RALGPS1: variants seen among roughly 807,000 people sequenced by gnomAD.
RALGPS1 encodes ras-specific guanine nucleotide-releasing factor RalGPS1.
RALGPS1 carries 19 observed loss-of-function variants against 78.8 expected under a neutral mutation model. The observed-to-expected ratio is 0.24, with a 90% CI of 0.17 to 0.35. The LOEUF (loss-of-function observed/expected upper bound fraction) is 0.35, where lower values mean the gene tolerates loss of function less well. RALGPS1 is among the 10% of genes least tolerant of loss of function. The pLI is 1.00. For synonymous variants in RALGPS1, 228 were observed against 256.3 expected (o/e 0.89, Z 1.06); for missense variants, 454 against 688.3 (o/e 0.66, Z 3.81).
chr9:127,185,768 T>C (rs78649124), intron 11 of RALGPS1, among the ~76,000 whole-genome samples: 262 of 152,292 alleles, frequency 1.7e-3, no homozygotes, highest in African/African-American at 5.6e-3. Context: ...CTCCCACACT[T>C]GACTGGAAAC....
At chr9:127,054,995 TTG>T (rs1491176929) in intron 7 of RALGPS1, among the ~76,000 whole-genome samples, 19 of 66,168 alleles carry the variant, frequency 2.9e-4, no homozygotes, top group Admixed American at 2.3e-3. Flanking sequence ...GAGAGATTGA[TTG>T]AGAGAGAGAG....
chr9:127,047,242 A>G (rs2135232592), intron 5 of RALGPS1, among the ~76,000 whole-genome samples: 1 of 152,350 alleles, frequency 6.6e-6, no homozygotes, highest in East Asian at 1.9e-4. Context: ...GAAATAACCT[A>G]TTCAACAGTA....
intron 1 of RALGPS1, among the ~76,000 whole-genome samples, chr9:126,923,001 G>A (rs1455615994): frequency 2.6e-5 from 4 of 152,192 alleles, no homozygotes; most frequent in African/African-American, 4.8e-5. Flanking sequence ...GTCATGGGCC[G>A]TGACTGTTTT....
chr9:127,198,998 C>G lies in RALGPS1; in HGVS notation c.1196-17C>G. ...CTGTGAAGCCGTTGTGCTCATTGAC[C>G]TGTGTTCCTTTTCCAGGCAGTAGTG... is the stretch of plus-strand genomic sequence containing the variant. On this transcript the variant is annotated splice_polypyrimidine_tract_variant and intron_variant, in intron 13 of 18. Coordinates refer to ENST00000259351, the MANE Select transcript of RALGPS1 (RefSeq NM_014636.3). The G allele has an allele frequency of 6.2e-7, 1 of 1,612,896 alleles. No homozygotes were observed. The highest frequency in any genetic ancestry group is 8.5e-7 in the Non-Finnish European group (1 of 1,178,822).
At chr9:127,206,664 C>T (rs1223354054) in intron 14 of RALGPS1, among the ~76,000 whole-genome samples, 1 of 152,094 alleles carries the variant, frequency 6.6e-6, no homozygotes, top group Non-Finnish European at 1.5e-5. Context: ...AGGGATCCTA[C>T]TTCTACTAAG....
At chr9:127,014,182 C>T (rs554027708) in intron 4 of RALGPS1, among the ~76,000 whole-genome samples, 7 of 152,240 alleles carry the variant, frequency 4.6e-5, no homozygotes, top group African/African-American at 1.7e-4. Context: ...TTGCTTCCAG[C>T]CTTAAAAAAG....
chr9:127,129,051 C>T (rs1158117868), intron 8 of RALGPS1, among the ~76,000 whole-genome samples: 2 of 152,134 alleles, frequency 1.3e-5, no homozygotes, highest in Admixed American at 6.5e-5. Context: ...AACAAATATT[C>T]GTTTTAAGCT....
intron 7 of RALGPS1, among the ~76,000 whole-genome samples, chr9:127,053,554 A>G (rs1589228728): frequency 1.3e-5 from 2 of 152,292 alleles, no homozygotes; most frequent in South Asian, 4.2e-4. Context: ...TGCTATTTCC[A>G]TAGCTCATTA....
intron 11 of RALGPS1, among the ~76,000 whole-genome samples, chr9:127,179,271 G>T (rs986904976): frequency 1.3e-5 from 2 of 152,186 alleles, no homozygotes; most frequent in Non-Finnish European, 2.9e-5. Flanking sequence ...ACACACTCGG[G>T]GGTCCCAGCT....
At chr9:127,048,983 T>C (rs1312436639) in intron 5 of RALGPS1, among the ~76,000 whole-genome samples, 1 of 152,248 alleles carries the variant, frequency 6.6e-6, no homozygotes, top group Non-Finnish European at 1.5e-5. Flanking sequence ...ATTTGAAAAG[T>C]GATGGTATTT....
At chr9:127,176,772 G>A (rs965173316) in intron 11 of RALGPS1, among the ~76,000 whole-genome samples, 1 of 152,204 alleles carries the variant, frequency 6.6e-6, no homozygotes, top group African/African-American at 2.4e-5. Flanking sequence ...TGGAGCCACT[G>A]AGCAGGGAGA....
chr9:127,017,482 T>A (rs759524048), intron 4 of RALGPS1, among the ~76,000 whole-genome samples: 9 of 152,344 alleles, frequency 5.9e-5, no homozygotes, highest in East Asian at 1.9e-4. Flanking sequence ...GGGTCAGTGG[T>A]GAGTGAATGT....
At chr9:126,957,167 G>T (rs1564305457) in intron 1 of RALGPS1, among the ~76,000 whole-genome samples, 1 of 152,260 alleles carries the variant, frequency 6.6e-6, no homozygotes, top group Non-Finnish European at 1.5e-5. Context: ...GTGGTGGTGT[G>T]TGGAGCGGAG....
At chr9:126,989,886 T>C in intron 4 of RALGPS1, 1 of 1,550,320 alleles carries the variant, frequency 6.5e-7, no homozygotes, top group Non-Finnish European at 8.7e-7. Context: ...CCTTTTCTGG[T>C]TTGCAGAAAG....
intron 4 of RALGPS1, among the ~76,000 whole-genome samples, chr9:126,986,040 T>G (rs1403132996): frequency 2.0e-5 from 3 of 152,218 alleles, no homozygotes; most frequent in African/African-American, 7.2e-5. Context: ...CAAGGGTATT[T>G]CCTGGTGAGC....
At chr9:127,056,932 C>T (rs564976801) in intron 7 of RALGPS1, among the ~76,000 whole-genome samples, 23 of 152,278 alleles carry the variant, frequency 1.5e-4, no homozygotes, top group African/African-American at 5.5e-4. Flanking sequence ...CTGGGGAGAC[C>T]TCATGTGCCA....
intron 1 of RALGPS1, among the ~76,000 whole-genome samples, chr9:126,920,659 T>G (rs966779352): frequency 1.3e-5 from 2 of 152,188 alleles, no homozygotes; most frequent in Non-Finnish European, 2.9e-5. Context: ...TGGCAGAGAA[T>G]ACACTTGACT....
At position 127,211,567 on chromosome 9, in the gene RALGPS1, C is replaced by T. The variant is rs1465873526; in HGVS notation, c.1248-564C>T. ...CCGGAGCTCAGGAGGGAGGTGTGGG[C>T]TGCCATGCCCTTGGACGCCTTCATC... On this transcript the variant is annotated intron_variant, in intron 14 of 18. Transcript: ENST00000259351. This position sits in a 1 kb window ranked among gnomAD's most constrained non-coding sequence, Gnocchi z 5.0. 6.6e-6 allele frequency among the ~76,000 whole-genome samples: 1 copy of T among 152,106 alleles called. No individual in the cohort carries two copies. Among genetic ancestry groups the T allele is most frequent in the Non-Finnish European group, 1.5e-5 (1 of 68,004 alleles).
At chr9:127,094,002 G>T in intron 8 of RALGPS1, 4 of 1,522,784 alleles carry the variant, frequency 2.6e-6, no homozygotes, top group Non-Finnish European at 3.6e-6. Context: ...CCCCAAGCAG[G>T]CACAACCTCT....
Sources: gnomAD v4.1 joint callset for allele counts (sites outside exome capture counted in the v4.1 genomes callset) on GRCh38, gnomAD v4.1.1 for gene constraint, Gnocchi (gnomAD v3.1) non-coding constraint, MANE v1.5 for transcripts, NCBI Gene and HGNC (gene_info 2026-07-23, HGNC 2026-07-21) for gene names.